Variants in INSC observed in about 807,000 individuals in gnomAD.
INSC encodes the protein INSC spindle orientation adaptor protein, also known as protein inscuteable homolog.
In INSC, 67 loss-of-function variants were observed where a neutral mutation model predicts 58.6. That is an observed-to-expected ratio of 1.14 (90% CI 0.94 to 1.40). The LOEUF is 1.40. Ranked by LOEUF, INSC falls within the 40% of genes most tolerant of loss-of-function variation. INSC has a pLI of 0.00. For missense variants in INSC, 714 were observed against 692.0 expected, an observed-to-expected ratio of 1.03 and a Z score of -0.36; for synonymous variants, 262 against 276.1, an observed-to-expected ratio of 0.95 and a Z score of 0.51.
chr11:15,118,464 A>C (rs1030100568), intron 1 of INSC, among the ~76,000 whole-genome samples: 4 of 152,220 alleles, frequency 2.6e-5, no homozygotes, highest in Admixed American at 6.5e-5. Context: ...CAGGCATTGC[A>C]TTGAGGTCCT....
chr11:15,260,178 T>C, the INSC span, among the ~76,000 whole-genome samples: 1 of 151,574 alleles, frequency 6.6e-6, no homozygotes, highest in Admixed American at 6.6e-5. Context: ...TTTTTTGTTT[T>C]TTTTGTTTTT....
chr11:15,254,878 G>T, the INSC span, among the ~76,000 whole-genome samples: 386 of 152,240 alleles, frequency 2.5e-3, 4 homozygotes, highest in African/African-American at 8.4e-3. Flanking sequence ...AAATTACAGA[G>T]CAAATAAATG....
intron 7 of INSC, among the ~76,000 whole-genome samples, chr11:15,207,087 G>A (rs1850831495): frequency 6.6e-6 from 1 of 152,126 alleles, no homozygotes; most frequent in African/African-American, 2.4e-5. Flanking sequence ...GGTTGGAGGG[G>A]GCTGGAGACT....
At chr11:15,185,444 A>T (rs963528057) in intron 5 of INSC, among the ~76,000 whole-genome samples, 1 of 152,098 alleles carries the variant, frequency 6.6e-6, no homozygotes, top group Non-Finnish European at 1.5e-5. Flanking sequence ...TTTATAACTT[A>T]CAATTATTTA....
At chr11:15,196,433 G>A (rs772186557) in intron 6 of INSC, among the ~76,000 whole-genome samples, 1 of 152,138 alleles carries the variant, frequency 6.6e-6, no homozygotes. Flanking sequence ...CATTTCACCA[G>A]CTAGTTGGTT....
chr11:15,227,631 T>A (rs992469658), intron 9 of INSC, among the ~76,000 whole-genome samples: 13 of 152,286 alleles, frequency 8.5e-5, no homozygotes, highest in African/African-American at 3.1e-4. Context: ...GGTATGACAG[T>A]AACAGATAAA....
upstream of INSC, among the ~76,000 whole-genome samples, chr11:15,114,135 A>G (rs4564318): frequency 0.95 from 143,108 of 150,716 alleles, 68,346 homozygotes; most frequent in East Asian, 1. Context: ...GGGGAGGGGG[A>G]GTTGTATGAA....
intron 2 of INSC, among the ~76,000 whole-genome samples, chr11:15,150,416 T>C (rs1848612942): frequency 6.6e-6 from 1 of 152,254 alleles, no homozygotes. Flanking sequence ...AAATAATTCA[T>C]GCTGGATAAT....
At chr11:15,153,670 A>G (rs1350155419) in intron 2 of INSC, among the ~76,000 whole-genome samples, 1 of 152,236 alleles carries the variant, frequency 6.6e-6, no homozygotes, top group African/African-American at 2.4e-5. Context: ...CAGAGGGACA[A>G]TGATTCAATA....
chr11:15,235,915 G>A (rs1016899533), intron 10 of INSC, among the ~76,000 whole-genome samples: 2 of 152,022 alleles, frequency 1.3e-5, no homozygotes, highest in African/African-American at 4.8e-5. Context: ...AATTAGCTGG[G>A]TGTGGTGGTG....
At position 15,190,735 on chromosome 11, in the gene INSC, T is replaced by C. The variant is rs762679579; in HGVS notation, c.614T>C (p.Ile205Thr). 6.2e-7 allele frequency: 1 copy of C among 1,613,906 alleles called. No homozygotes were observed. The highest frequency in any genetic ancestry group is 1.1e-5 in the South Asian group (1 of 91,074). ...AGAAAAATTGATGCCTCAGACAATA[T>C]CTACACCACAGAGTCCACCACAGGG... is the stretch of plus-strand genomic sequence containing the variant. ...LVRKIDASDN[I>T]YTTESTTGNL... The change falls in exon 6 of 13, where the codon ATC becomes ACC. Residue 205 changes from isoleucine (I) to threonine (T), a missense_variant. Ile to Thr is a moderately conservative substitution (Grantham distance 89). Transcript: ENST00000379556.
At chr11:15,205,060 T>C (rs1331019410) in intron 7 of INSC, among the ~76,000 whole-genome samples, 1 of 152,154 alleles carries the variant, frequency 6.6e-6, no homozygotes, top group Non-Finnish European at 1.5e-5. Context: ...TCACTTCGTC[T>C]CTGCTTCTTC....
At chr11:15,119,882 G>A (rs530730870) in intron 1 of INSC, among the ~76,000 whole-genome samples, 55 of 152,356 alleles carry the variant, frequency 3.6e-4, no homozygotes, top group South Asian at 3.5e-3. Context: ...AGGCAATGTG[G>A]TGCTTGAACT....
chr11:15,240,633 C>T, intron 12 of INSC, 110 bp downstream of exon 12: 1 of 783,820 alleles, frequency 1.3e-6, no homozygotes, highest in South Asian at 1.5e-5. Context: ...TAAAACCTCT[C>T]TGGGCTTTAG....
intron 7 of INSC, among the ~76,000 whole-genome samples, chr11:15,206,558 C>T (rs575207262): frequency 1.3e-5 from 2 of 152,242 alleles, no homozygotes; most frequent in South Asian, 4.1e-4. Flanking sequence ...GGAGTAAGGG[C>T]CCCAGAGCCA....
intron 9 of INSC, among the ~76,000 whole-genome samples, chr11:15,228,828 A>G (rs1851738931): frequency 6.6e-6 from 1 of 152,096 alleles, no homozygotes. Flanking sequence ...GGGTATGCCT[A>G]TCCTGTCGCC....
chr11:15,230,024 ATAT>A (rs1851863618), intron 9 of INSC, among the ~76,000 whole-genome samples: 1 of 64,674 alleles, frequency 1.5e-5, no homozygotes, highest in Non-Finnish European at 2.9e-5. Flanking sequence ...ATATATATAT[ATAT>A]ATATATATAT....
chr11:15,254,800 G>C, the INSC span, among the ~76,000 whole-genome samples: 3 of 152,288 alleles, frequency 2.0e-5, no homozygotes. Flanking sequence ...CTATTAATCT[G>C]TAAGGGATGC....
At chr11:15,174,429 A>G (rs1849506472) in intron 2 of INSC, among the ~76,000 whole-genome samples, 1 of 152,138 alleles carries the variant, frequency 6.6e-6, no homozygotes, top group African/African-American at 2.4e-5. Flanking sequence ...TTTATTTTGA[A>G]AATTGACTGT....
Sources: allele counts gnomAD v4.1 joint callset (sites outside exome capture counted in the v4.1 genomes callset), GRCh38; gene constraint gnomAD v4.1.1; transcripts MANE v1.5; gene names NCBI Gene and HGNC (gene_info 2026-07-23, HGNC 2026-07-21).